CEPT1: variants seen among roughly 807,000 people sequenced by gnomAD.
CEPT1 encodes the protein choline/ethanolamine phosphotransferase 1, also known as choline/ethanolaminephosphotransferase 1.
Under a neutral mutation model 42.6 loss-of-function variants are expected in CEPT1, and 7 were observed. The ratio of observed to expected loss-of-function variants is 0.16; its 90% CI spans 0.09 to 0.31. The LOEUF (loss-of-function observed/expected upper bound fraction) is 0.31, where lower values mean the gene tolerates loss of function less well. CEPT1 is among the 10% of genes least tolerant of loss of function. CEPT1 has a pLI of 1.00. For missense variants in CEPT1, 306 were observed against 502.1 expected (o/e 0.61, Z 3.73); for synonymous variants, 171 against 171.9 (o/e 0.99, Z 0.04).
At chr1:111,181,215 C>T (rs1234841104) in intron 5 of CEPT1, 1 of 151,852 alleles carries the variant, frequency 6.6e-6, no homozygotes, top group Non-Finnish European at 1.5e-5. Flanking sequence ...GCTTATTAAA[C>T]CACTGGGGGC....
At chr1:111,183,360 AAAT>A in intron 7 of CEPT1, 99 bp from the exon 8 acceptor site, 1 of 1,324,524 alleles carries the variant, frequency 7.5e-7, no homozygotes, top group East Asian at 2.4e-5. Flanking sequence ...AGCTATTCCT[AAAT>A]AATTATTGGA....
At chr1:111,171,498 G>T (rs1656409938) in intron 4 of CEPT1, among the ~76,000 whole-genome samples, 1 of 152,152 alleles carries the variant, frequency 6.6e-6, no homozygotes, top group African/African-American at 2.4e-5. Flanking sequence ...TTTATTACGG[G>T]CGTTGAAGGT....
chr1:111,173,443 C>T (rs1215982709), intron 4 of CEPT1, among the ~76,000 whole-genome samples: 1 of 152,138 alleles, frequency 6.6e-6, no homozygotes, highest in Non-Finnish European at 1.5e-5. Flanking sequence ...TTATTTATCA[C>T]AGCATGACAG....
chr1:111,161,412 A>G (rs1312876272), intron 4 of CEPT1, 116 bp downstream of exon 4: 3 of 965,158 alleles, frequency 3.1e-6, no homozygotes, highest in Non-Finnish European at 4.5e-6. Context: ...AATAAATTAA[A>G]AAATTTATGC....
intron 2 of CEPT1, among the ~76,000 whole-genome samples, chr1:111,156,399 C>A (rs1655575441): frequency 6.6e-6 from 1 of 152,166 alleles, no homozygotes; most frequent in South Asian, 2.1e-4. Flanking sequence ...ATGAAATGTT[C>A]TGTAAATGTC....
At chr1:111,146,707 A>G (rs1340729740) in intron 1 of CEPT1, among the ~76,000 whole-genome samples, 1 of 152,038 alleles carries the variant, frequency 6.6e-6, no homozygotes, top group Non-Finnish European at 1.5e-5. Context: ...TATAATTGTT[A>G]TCTCTAATCT....
chr1:111,182,324 T>C lies in CEPT1; in HGVS notation c.846+6T>C, dbSNP rs775610448. ...AAAATGGATCAACAATAGCAGTAAG[T>C]ATACCTTAAGATTTTCAACACTTGT... On this transcript the variant is annotated splice_donor_region_variant and intron_variant, in intron 6 of 8. Coordinates refer to ENST00000357172, the MANE Select transcript of CEPT1 (RefSeq NM_006090.5). The C allele has an allele frequency of 1.2e-6, 2 of 1,610,310 alleles. No individual in the cohort carries two copies. The highest frequency in any genetic ancestry group is 1.7e-5 in the Admixed American group (1 of 59,238).
At chr1:111,153,845 T>G (rs1468602517) in intron 2 of CEPT1, among the ~76,000 whole-genome samples, 2 of 152,216 alleles carry the variant, frequency 1.3e-5, no homozygotes, top group Non-Finnish European at 2.9e-5. Context: ...CATGCTGTTT[T>G]GGTTACTATA....
chr1:111,168,080 C>G (rs191667645), intron 4 of CEPT1, among the ~76,000 whole-genome samples: 45 of 151,940 alleles, frequency 3.0e-4, no homozygotes, highest in Admixed American at 1.9e-3. Flanking sequence ...TGCTGTGTTG[C>G]CTAGGATGGT....
At chr1:111,144,642 T>G (rs777224708) in intron 1 of CEPT1, among the ~76,000 whole-genome samples, 1 of 152,266 alleles carries the variant, frequency 6.6e-6, no homozygotes, top group Non-Finnish European at 1.5e-5. Context: ...TATAGCTATT[T>G]AGTGCCAAAA....
chr1:111,159,802 T>C (rs924001850), intron 3 of CEPT1: 3 of 270,314 alleles, frequency 1.1e-5, no homozygotes, highest in Non-Finnish European at 2.1e-5. Context: ...ATCAAAACTC[T>C]TATGAACTAA....
At chr1:111,183,962 G>A (rs560286240) in intron 8 of CEPT1, among the ~76,000 whole-genome samples, 1 of 152,252 alleles carries the variant, frequency 6.6e-6, no homozygotes, top group South Asian at 2.1e-4. Context: ...TGGTACAATG[G>A]CAGAGTTAAG....
intron 2 of CEPT1, 43 bp from the exon 3 acceptor site, chr1:111,159,337 C>T (rs758631428): frequency 6.3e-7 from 1 of 1,575,570 alleles, no homozygotes; most frequent in Non-Finnish European, 8.6e-7. Flanking sequence ...AACATGGTAA[C>T]TGTGTGTCTG....
intron 5 of CEPT1, chr1:111,179,418 C>T (rs921036633): frequency 2.6e-5 from 4 of 152,118 alleles, no homozygotes; most frequent in Admixed American, 2.0e-4. Context: ...TGGTATAGCT[C>T]TTTGGCTATT....
chr1:111,161,463 C>T (rs934077047), intron 4 of CEPT1, among the ~76,000 whole-genome samples, 167 bp downstream of exon 4: 4 of 151,836 alleles, frequency 2.6e-5, no homozygotes, highest in Admixed American at 2.0e-4. Context: ...CTGCATATGT[C>T]CCTCTATTAT....
chr1:111,163,641 A>G (rs79854391), intron 4 of CEPT1, among the ~76,000 whole-genome samples: 4,571 of 152,214 alleles, frequency 0.03, 226 homozygotes, highest in African/African-American at 0.1. Flanking sequence ...AGTGCTCTAC[A>G]CTAGGGAGCC....
At chr1:111,144,537 C>G (rs2101220721) in intron 1 of CEPT1, among the ~76,000 whole-genome samples, 1 of 152,318 alleles carries the variant, frequency 6.6e-6, no homozygotes, top group Non-Finnish European at 1.5e-5. Flanking sequence ...AAAAAACAAT[C>G]TAGGTCGCAG....
chr1:111,167,906 T>A (rs927239749), intron 4 of CEPT1: 5 of 547,100 alleles, frequency 9.1e-6, no homozygotes, highest in African/African-American at 8.5e-5. Context: ...TTTTTTTTTT[T>A]AATTGAGATA....
chr1:111,145,366 C>T (rs1039984862), intron 1 of CEPT1, among the ~76,000 whole-genome samples: 11 of 152,266 alleles, frequency 7.2e-5, no homozygotes, highest in Middle Eastern at 3.4e-3. Flanking sequence ...TGATGAGTCT[C>T]TTGAGATTTT....
Sources: gnomAD v4.1 joint callset for allele counts (sites outside exome capture counted in the v4.1 genomes callset) on GRCh38, gnomAD v4.1.1 for gene constraint, MANE v1.5 for transcripts, NCBI Gene and HGNC (gene_info 2026-07-23, HGNC 2026-07-21) for gene names.